Variants in C12orf75 observed in about 807,000 individuals in gnomAD.
C12orf75 encodes chromosome 12 open reading frame 75.
A neutral mutation model predicts 11.4 loss-of-function variants in C12orf75; 4 were observed. The ratio of observed to expected loss-of-function variants is 0.35; its 90% CI spans 0.17 to 0.80. The LOEUF (loss-of-function observed/expected upper bound fraction) is 0.80, where lower values mean the gene tolerates loss of function less well. C12orf75 is among the 30% of genes least tolerant of loss of function. The pLI, the probability that C12orf75 is intolerant of heterozygous loss-of-function variation, is 0.52. For missense variants in C12orf75, 89 were observed against 80.4 expected (o/e 1.11, Z -0.41); for synonymous variants, 30 against 30.0 (o/e 1.00, Z 0.00).
At chr12:105,362,326 A>G (rs1157064516) in intron 2 of C12orf75, among the ~76,000 whole-genome samples, 1 of 131,202 alleles carries the variant, frequency 7.6e-6, no homozygotes, top group East Asian at 2.4e-4. Flanking sequence ...CGGAGCTTGC[A>G]GTGAGCCGAG....
intron 1 of C12orf75, among the ~76,000 whole-genome samples, chr12:105,344,362 C>T (rs888730511): frequency 1.1e-4 from 16 of 152,168 alleles, no homozygotes; most frequent in African/African-American, 3.6e-4. Flanking sequence ...ACCCCATCAC[C>T]GTTCTGCCAT....
intron 2 of C12orf75, among the ~76,000 whole-genome samples, chr12:105,359,117 C>T (rs1892824364): frequency 6.6e-6 from 1 of 152,154 alleles, no homozygotes; most frequent in Non-Finnish European, 1.5e-5. Context: ...TCCCCTGCGT[C>T]GGCACCAACG....
At chr12:105,349,826 G>A (rs1019760952) in intron 2 of C12orf75, among the ~76,000 whole-genome samples, 18 of 151,594 alleles carry the variant, frequency 1.2e-4, no homozygotes, top group Admixed American at 3.3e-4. Flanking sequence ...GCAGTGAGCC[G>A]AGATCACACC....
chr12:105,336,748 A>T (rs1283587412), intron 1 of C12orf75, among the ~76,000 whole-genome samples: 2 of 152,172 alleles, frequency 1.3e-5, no homozygotes, highest in Non-Finnish European at 2.9e-5. Flanking sequence ...TTAAACTGTT[A>T]GAGCCTGGGT....
intron 2 of C12orf75, 143 bp from the exon 3 acceptor site, chr12:105,365,664 A>G (rs778610314): frequency 3.1e-6 from 2 of 643,286 alleles, no homozygotes; most frequent in Non-Finnish European, 5.7e-6. Flanking sequence ...CTTGATGGAT[A>G]GTTTTGCTCC....
chr12:105,348,341 G>A (rs1892664317), intron 1 of C12orf75, among the ~76,000 whole-genome samples: 1 of 151,144 alleles, frequency 6.6e-6, no homozygotes, highest in Non-Finnish European at 1.5e-5. Flanking sequence ...CTTGAGCCCA[G>A]GAGGCAGAGG....
At chr12:105,339,583 A>C (rs920874547) in intron 1 of C12orf75, among the ~76,000 whole-genome samples, 3 of 152,064 alleles carry the variant, frequency 2.0e-5, no homozygotes, top group Admixed American at 1.3e-4. Flanking sequence ...AAAAGGTATT[A>C]ATGGACTAAA....
chr12:105,357,971 A>C (rs906069535), intron 2 of C12orf75, among the ~76,000 whole-genome samples: 1 of 152,064 alleles, frequency 6.6e-6, no homozygotes, highest in African/African-American at 2.4e-5. Context: ...CAGCCTCCTG[A>C]GTAGCTGGGA....
rs148056885 is a variant in C12orf75 at position 105,361,674 on chromosome 12, A to G, written c.72-4133A>G. Among the ~76,000 whole-genome samples, 476 of 152,140 alleles carry G rather than the reference A, an allele frequency of 3.1e-3. 3 individuals are homozygous for G. Among genetic ancestry groups the G allele is most frequent in the African/African-American group, 0.011 (457 of 41,512 alleles). ...CAGGGGTCTTTATTGCTGTGTATTG[A>G]CCCATTTTTCTTCCTTACGCTAAAG... On this transcript the variant is annotated intron_variant, in intron 2 of 5. Coordinates refer to ENST00000443585, the MANE Select transcript of C12orf75 (RefSeq NM_001145199.2).
chr12:105,355,198 T>C (rs1892764174), intron 2 of C12orf75, among the ~76,000 whole-genome samples: 1 of 143,738 alleles, frequency 7.0e-6, no homozygotes, highest in South Asian at 2.3e-4. Context: ...TTTTCAGAGT[T>C]TTGCTCTCTT....
At chr12:105,348,338 C>A (rs994038494) in intron 1 of C12orf75, among the ~76,000 whole-genome samples, 1 of 151,676 alleles carries the variant, frequency 6.6e-6, no homozygotes, top group African/African-American at 2.4e-5. Context: ...TCACTTGAGC[C>A]CAGGAGGCAG....
intron 3 of C12orf75, chr12:105,366,054 A>G (rs1379451574): frequency 1.7e-6 from 1 of 583,896 alleles, no homozygotes; most frequent in Non-Finnish European, 3.1e-6. Context: ...TGTCCTATGC[A>G]TGTGGCGTGT....
intron 1 of C12orf75, among the ~76,000 whole-genome samples, chr12:105,342,426 A>G (rs1246921265): frequency 1.3e-5 from 2 of 152,206 alleles, no homozygotes; most frequent in Non-Finnish European, 2.9e-5. Flanking sequence ...GGCCCTCACC[A>G]GATGTGAGCC....
rs71440581 is a variant in C12orf75, at chr12:105,331,591, AACACACACAC to A, written c.46+678_46+687del. On this transcript the variant is annotated intron_variant, in intron 1 of 5. Transcript: ENST00000443585. The stretch of plus-strand genomic sequence containing the variant: ...CAGTCTGTTAAGATACTTTTCATTA[AACACACACAC>A]ACACACACACACACACACACACAAA... Among the ~76,000 whole-genome samples, 146 of 149,288 alleles carry A rather than the reference AACACACACAC, an allele frequency of 9.8e-4. 1 individual carries two copies. Among genetic ancestry groups the A allele is most frequent in the African/African-American group, 3.4e-3 (137 of 40,554 alleles).
At chr12:105,348,695 A>T (rs1892672437) in intron 2 of C12orf75, 69 bp downstream of exon 2, 1 of 1,047,688 alleles carries the variant, frequency 9.5e-7, no homozygotes, top group Non-Finnish European at 1.4e-6. Flanking sequence ...CATGATTATG[A>T]CCTTTAGATC....
chr12:105,333,590 T>C (rs1892464544), intron 1 of C12orf75, among the ~76,000 whole-genome samples: 1 of 152,174 alleles, frequency 6.6e-6, no homozygotes, highest in Non-Finnish European at 1.5e-5. Flanking sequence ...ACAGTGAGCT[T>C]AAGCTTAGGT....
chr12:105,354,187 A>G (rs1379488785), intron 2 of C12orf75, among the ~76,000 whole-genome samples: 1 of 152,214 alleles, frequency 6.6e-6, no homozygotes, highest in Non-Finnish European at 1.5e-5. Context: ...AAAAGCCTGC[A>G]TTTTGGAAGC....
At chr12:105,362,931 T>C (rs1192884302) in intron 2 of C12orf75, among the ~76,000 whole-genome samples, 3 of 152,238 alleles carry the variant, frequency 2.0e-5, no homozygotes, top group Non-Finnish European at 4.4e-5. Context: ...GTGCCTAGTA[T>C]AGTTACACAA....
At chr12:105,366,481 TA>T in intron 3 of C12orf75, 135 bp from the exon 4 acceptor site, 1 of 431,762 alleles carries the variant, frequency 2.3e-6, no homozygotes, top group East Asian at 3.5e-5. Flanking sequence ...CCAAGGGCCA[TA>T]ATATTCTAGA....
Sources: allele counts gnomAD v4.1 joint callset (sites outside exome capture counted in the v4.1 genomes callset), GRCh38; gene constraint gnomAD v4.1.1; transcripts MANE v1.5; gene names NCBI Gene and HGNC (gene_info 2026-07-23, HGNC 2026-07-21).